MARCHF1: variants seen among roughly 807,000 people sequenced by gnomAD.
MARCHF1 encodes membrane associated ring-CH-type finger 1, also known as E3 ubiquitin-protein ligase MARCHF1.
MARCHF1 carries 40 observed loss-of-function variants against 54.2 expected under a neutral mutation model. The observed-to-expected ratio is 0.74, with a 90% CI of 0.57 to 0.96. The LOEUF is 0.96. Among genes scored for constraint, MARCHF1 ranks in the 40% least tolerant of loss-of-function variants. The pLI is 0.00. For synonymous variants in MARCHF1, 236 were observed against 236.3 expected (o/e 1.00, Z 0.01); for missense variants, 586 against 656.5 (o/e 0.89, Z 1.17).
chr4:163,813,102 G>C (rs981413465), intron 4 of MARCHF1, among the ~76,000 whole-genome samples: 2 of 152,182 alleles, frequency 1.3e-5, no homozygotes, highest in Non-Finnish European at 2.9e-5. Context: ...CTGGTCATTG[G>C]TGAATTTGAG....
At chr4:164,032,789 A>T (rs1753905611) in intron 2 of MARCHF1, among the ~76,000 whole-genome samples, 1 of 152,078 alleles carries the variant, frequency 6.6e-6, no homozygotes, top group South Asian at 2.1e-4. Flanking sequence ...CATGTGGCAC[A>T]GAGAGGATTA....
rs1324770415 is a variant in MARCHF1, at chr4:163,994,758, C to CACACACAA, written c.-247-6050_-247-6049insTTGTGTGT. On this transcript the variant is annotated intron_variant, in intron 2 of 9. Transcript: ENST00000514618. ...GCACACATACACACACACACACACA[C>CACACACAA]ACACACACACACACACACACACACA... Among the ~76,000 whole-genome samples the CACACACAA allele has an allele frequency of 6.5e-4, 82 of 126,238 alleles. 1 individual carries two copies. Among genetic ancestry groups the CACACACAA allele is most frequent in the African/African-American group, 2.2e-3 (74 of 34,076 alleles). The allele number at this position is 126,238 out of a possible 152,430, so 82.8% of individuals were successfully genotyped here.
intron 4 of MARCHF1, among the ~76,000 whole-genome samples, chr4:163,806,862 T>G (rs1748239957): frequency 6.6e-6 from 1 of 152,020 alleles, no homozygotes; most frequent in Non-Finnish European, 1.5e-5. Flanking sequence ...AATGAAACAT[T>G]GCTCAACCAA....
chr4:163,717,331 A>C (rs1433543275), intron 4 of MARCHF1, among the ~76,000 whole-genome samples: 9 of 150,964 alleles, frequency 6.0e-5, no homozygotes, highest in Non-Finnish European at 1.2e-4. Flanking sequence ...TGAACTCATC[A>C]TTTTTTATGG....
At chr4:164,265,236 A>G (rs1370743425) in intron 1 of MARCHF1, among the ~76,000 whole-genome samples, 2 of 152,196 alleles carry the variant, frequency 1.3e-5, no homozygotes, top group African/African-American at 4.8e-5. Flanking sequence ...CTGTATATTA[A>G]GTAATGTCTT....
chr4:164,336,919 A>T (rs1438815370), intron 1 of MARCHF1, among the ~76,000 whole-genome samples: 4 of 152,188 alleles, frequency 2.6e-5, no homozygotes, highest in African/African-American at 7.2e-5. Flanking sequence ...TAGTGAGGAT[A>T]AAATAATCTT....
intron 1 of MARCHF1, among the ~76,000 whole-genome samples, chr4:164,216,801 C>T (rs1309474808): frequency 6.6e-6 from 1 of 152,154 alleles, no homozygotes; most frequent in East Asian, 1.9e-4. Flanking sequence ...TTTGTTACTG[C>T]AGGGAAAATT....
chr4:164,198,383 T>G (rs1232667952), intron 1 of MARCHF1, among the ~76,000 whole-genome samples: 1 of 152,162 alleles, frequency 6.6e-6, no homozygotes, highest in Non-Finnish European at 1.5e-5. Context: ...TTGAGTGGCA[T>G]GTATGTTTAT....
rs567985039 is a variant in MARCHF1 at position 163,578,837 on chromosome 4, C to T, written c.1191+6912G>A. The stretch of plus-strand genomic sequence containing the variant: ...TTTTATTCTATCTTGTTCACTACTG[C>T]ACATGACTGGTATATGGTATATAAT... On this transcript the variant is annotated intron_variant, in intron 8 of 9. Coordinates refer to ENST00000514618, the MANE Select transcript of MARCHF1 (RefSeq NM_001394959.1). Among the ~76,000 whole-genome samples the T allele has an allele frequency of 9.9e-5, 15 of 152,206 alleles. No homozygotes were observed. In the South Asian group the frequency reaches 3.1e-3, roughly 32 times the overall value.
intron 2 of MARCHF1, among the ~76,000 whole-genome samples, chr4:164,037,534 C>T (rs1754031233): frequency 2.0e-5 from 3 of 152,048 alleles, no homozygotes; most frequent in Non-Finnish European, 2.9e-5. Context: ...AAATGATTAA[C>T]CAAACTAATA....
intron 4 of MARCHF1, among the ~76,000 whole-genome samples, chr4:163,776,366 ATAATT>A (rs1162298736): frequency 4.6e-5 from 7 of 150,782 alleles, no homozygotes; most frequent in Admixed American, 1.3e-4. Context: ...CTCTCTATAT[ATAATT>A]TAATTTATAA....
chr4:164,309,246 T>C (rs1403311578), intron 1 of MARCHF1, among the ~76,000 whole-genome samples: 1 of 147,080 alleles, frequency 6.8e-6, no homozygotes, highest in Non-Finnish European at 1.5e-5. Context: ...TGCTGGTTAA[T>C]TTCTAACCTG....
intron 8 of MARCHF1, among the ~76,000 whole-genome samples, chr4:163,581,154 G>T (rs548681964): frequency 0.014 from 2,166 of 151,024 alleles, 62 homozygotes; most frequent in African/African-American, 0.05. Flanking sequence ...TTTGGCGGTA[G>T]AGTGGCACAG....
intron 5 of MARCHF1, among the ~76,000 whole-genome samples, chr4:163,666,807 A>G (rs1203679676): frequency 6.6e-6 from 1 of 152,024 alleles, no homozygotes; most frequent in Non-Finnish European, 1.5e-5. Context: ...AATGTAATTT[A>G]AAAACAATTT....
intron 2 of MARCHF1, among the ~76,000 whole-genome samples, chr4:164,048,856 T>A (rs560347502): frequency 6.6e-6 from 1 of 152,278 alleles, no homozygotes; most frequent in South Asian, 2.1e-4. Context: ...AGATTTTGTA[T>A]ACCTCTATTT....
intron 5 of MARCHF1, among the ~76,000 whole-genome samples, chr4:163,653,842 G>T (rs1028007501): frequency 1.7e-4 from 14 of 84,472 alleles, no homozygotes; most frequent in African/African-American, 7.4e-4. Context: ...AAGATGATGG[G>T]TATGTGTAGT....
intron 1 of MARCHF1, among the ~76,000 whole-genome samples, chr4:164,262,663 A>C (rs1289314603): frequency 6.6e-6 from 1 of 152,210 alleles, no homozygotes; most frequent in South Asian, 2.1e-4. Flanking sequence ...TCACTCACTT[A>C]AATGGTTCCC....
At chr4:164,325,312 C>T (rs1162351499) in intron 1 of MARCHF1, among the ~76,000 whole-genome samples, 1 of 136,804 alleles carries the variant, frequency 7.3e-6, no homozygotes, top group Admixed American at 7.6e-5. Flanking sequence ...GGACAAGGAC[C>T]AGTGAGTTGG....
intron 4 of MARCHF1, among the ~76,000 whole-genome samples, chr4:163,773,030 C>T (rs1459802527): frequency 6.6e-6 from 1 of 152,172 alleles, no homozygotes; most frequent in Non-Finnish European, 1.5e-5. Context: ...GTACCTGTCT[C>T]AAAGTTTGAA....
Sources: allele counts gnomAD v4.1 joint callset (sites outside exome capture counted in the v4.1 genomes callset), GRCh38; gene constraint gnomAD v4.1.1; transcripts MANE v1.5; gene names NCBI Gene and HGNC (gene_info 2026-07-23, HGNC 2026-07-21).